Variants in CTIF observed in about 807,000 individuals in gnomAD.
CTIF encodes the protein CBP80/20-dependent translation initiation factor.
CTIF carries 21 observed loss-of-function variants against 66.0 expected under a neutral mutation model. The ratio of observed to expected loss-of-function variants is 0.32; its 90% confidence interval spans 0.23 to 0.46. CTIF has a LOEUF of 0.46. CTIF is among the 20% of genes least tolerant of loss of function. CTIF has a pLI of 1.00. For missense variants in CTIF, 739 were observed against 812.7 expected, an observed-to-expected ratio of 0.91 and a Z score of 1.10; for synonymous variants, 345 against 326.4, an observed-to-expected ratio of 1.06 and a Z score of -0.62.
rs746688468 is a variant in CTIF at position 48,761,413 on chromosome 18, C to A, written c.1095C>A (p.Thr365=). ...KEKDEVAVET[T]TPQQNKMDKL... ...AGGATGAAGTGGCCGTGGAGACGACCACTCCCCAGCAGAACAAGATGGACA... is the reference window on the plus strand; with the variant it reads ...AGGATGAAGTGGCCGTGGAGACGACAACTCCCCAGCAGAACAAGATGGACA... Residue 365 remains threonine, a synonymous_variant, in exon 9 of 12, where the codon ACC becomes ACA. Coordinates refer to ENST00000256413, the MANE Select transcript of CTIF (RefSeq NM_014772.3). The surrounding 1 kb of genome is among the most constrained non-coding windows in gnomAD (Gnocchi z 4.2). The A allele has an allele frequency of 6.2e-7, 1 of 1,613,686 alleles. No individual in the cohort carries two copies. The highest frequency in any genetic ancestry group is 8.5e-7 in the Non-Finnish European group (1 of 1,179,848).
intron 6 of CTIF, among the ~76,000 whole-genome samples, chr18:48,687,118 C>T (rs1051029606): frequency 4.0e-5 from 6 of 151,862 alleles, no homozygotes; most frequent in African/African-American, 1.2e-4. Context: ...AGAGGAGCAA[C>T]GGGAGCAGAT....
intron 10 of CTIF, among the ~76,000 whole-genome samples, chr18:48,835,144 C>T (rs2068781244): frequency 6.6e-6 from 1 of 152,230 alleles, no homozygotes; most frequent in South Asian, 2.1e-4. Context: ...AATGAGAAAA[C>T]AGCCCCTGCC....
At chr18:48,664,892 AGGCTGT>A (rs1269851947) in intron 5 of CTIF, among the ~76,000 whole-genome samples, 1 of 144,900 alleles carries the variant, frequency 6.9e-6, no homozygotes, top group Non-Finnish European at 1.5e-5. Context: ...GTGTGGACTG[AGGCTGT>A]GTGTTTCTTT....
At chr18:48,683,403 C>T (rs938238865) in intron 6 of CTIF, among the ~76,000 whole-genome samples, 2 of 149,756 alleles carry the variant, frequency 1.3e-5, no homozygotes, top group African/African-American at 4.9e-5. Context: ...AGTGGTCTCA[C>T]TTCGAGCAGG....
chr18:48,739,756 G>A (rs369496899), intron 7 of CTIF, among the ~76,000 whole-genome samples: 6 of 152,212 alleles, frequency 3.9e-5, no homozygotes, highest in African/African-American at 1.4e-4. Context: ...ATACGTTGTG[G>A]TTTCAAAGCT....
rs2089371869 is a variant in CTIF, at chr18:48,569,849, C to T, written c.-29+30537C>T. Among the ~76,000 whole-genome samples the T allele has an allele frequency of 1.3e-5, 2 of 152,186 alleles. 1 individual carries two copies. The highest frequency in any genetic ancestry group is 1.3e-4 in the Admixed American group (2 of 15,280). On this transcript the variant is annotated intron_variant, in intron 1 of 11. Transcript: ENST00000256413. ...GGCCCCCTGCCTGGGGCTGGCATAC[C>T]CCTCCTGCTGTCCTAGGACACAGCA...
chr18:48,691,643 C>T (rs1344873921), intron 6 of CTIF, among the ~76,000 whole-genome samples: 2 of 152,164 alleles, frequency 1.3e-5, no homozygotes, highest in African/African-American at 4.8e-5. Context: ...CTTCCTGTCT[C>T]CCCACTCCTT....
chr18:48,720,934 C>T (rs2092329305), intron 7 of CTIF, among the ~76,000 whole-genome samples: 5 of 152,202 alleles, frequency 3.3e-5, no homozygotes, highest in Admixed American at 3.3e-4. Context: ...CATCACACTT[C>T]ATGGGAATAC....
chr18:48,550,940 G>A (rs1328331587), intron 1 of CTIF, among the ~76,000 whole-genome samples: 1 of 152,050 alleles, frequency 6.6e-6, no homozygotes, highest in South Asian at 2.1e-4. Context: ...GAGAACTTAC[G>A]GATCTCTACA....
At chr18:48,564,239 G>A (rs572790749) in intron 1 of CTIF, among the ~76,000 whole-genome samples, 1 of 152,302 alleles carries the variant, frequency 6.6e-6, no homozygotes. Flanking sequence ...TTTTGTGGCC[G>A]TAGGTGGTAC....
chr18:48,816,501 C>T (rs2068366325), intron 9 of CTIF, among the ~76,000 whole-genome samples: 1 of 152,102 alleles, frequency 6.6e-6, no homozygotes, highest in Non-Finnish European at 1.5e-5. Flanking sequence ...ATTTCATGGC[C>T]CCATCCCCAA....
chr18:48,763,213 G>A (rs1322963441), intron 9 of CTIF, among the ~76,000 whole-genome samples: 2 of 152,346 alleles, frequency 1.3e-5, no homozygotes, highest in East Asian at 3.9e-4. Flanking sequence ...CCAGGATGGG[G>A]CAAGAGTTCT....
At chr18:48,732,865 G>A (rs943437667) in intron 7 of CTIF, among the ~76,000 whole-genome samples, 2 of 152,226 alleles carry the variant, frequency 1.3e-5, no homozygotes, top group Non-Finnish European at 2.9e-5. Flanking sequence ...TCACTGATGT[G>A]AGAGCTGTCT....
In CTIF at chr18:48,664,956, G is replaced by A. The variant is rs1312177380; in HGVS notation, c.431+405G>A. Among the ~76,000 whole-genome samples the A allele has an allele frequency of 1.5e-4, 22 of 146,912 alleles. 1 individual carries two copies. Among genetic ancestry groups the A allele is most frequent in the South Asian group, 4.4e-4 (2 of 4,540 alleles). On this transcript the variant is annotated intron_variant, in intron 5 of 11. Coordinates refer to ENST00000256413, the MANE Select transcript of CTIF (RefSeq NM_014772.3). ...GGAGTCTCGCTCTGTCGCCCAGGCC[G>A]GACTGCGGACTGCAGTGGCGCAATC... is the stretch of plus-strand genomic sequence containing the variant.
In CTIF at chr18:48,761,817, T is replaced by TA. The variant is rs1443825274; in HGVS notation, c.1371+130dup. 3.7e-4 allele frequency: 354 copies of TA among 944,632 alleles called. 1 individual carries two copies. Among genetic ancestry groups the TA allele is most frequent in the Middle Eastern group, 3.4e-4 (1 of 2,978 alleles). The allele number at this position is 944,632 out of a possible 1,614,324, so 58.5% of individuals were successfully genotyped here. ...TTCCCAAGTTCCGCCCTTGCCCGAT[T>TA]AATTATAGAAAACACAAAGGCAGTT... On this transcript the variant is annotated intron_variant, in intron 9 of 11. Transcript: ENST00000256413. The surrounding 1 kb of genome is among the most constrained non-coding windows in gnomAD (Gnocchi z 4.2).
At chr18:48,607,444 G>C (rs10438974) in intron 1 of CTIF, among the ~76,000 whole-genome samples, 18,472 of 152,232 alleles carry the variant, frequency 0.12, 1,795 homozygotes, top group African/African-American at 0.28. Context: ...CCACCCATCT[G>C]TGCCCATCAG....
At chr18:48,562,876 C>A (rs1004348699) in intron 1 of CTIF, among the ~76,000 whole-genome samples, 1 of 152,192 alleles carries the variant, frequency 6.6e-6, no homozygotes, top group East Asian at 1.9e-4. Context: ...TCTATTGGAA[C>A]CAGTTCCCTG....
chr18:48,553,718 T>C (rs1049970720), intron 1 of CTIF, among the ~76,000 whole-genome samples: 5 of 151,544 alleles, frequency 3.3e-5, no homozygotes, highest in Non-Finnish European at 7.4e-5. Flanking sequence ...TGCAGTGGCG[T>C]GATCTCAGCT....
rs553770566 is a variant in CTIF at position 48,824,485 on chromosome 18, C to T, written c.1527+7109C>T. On this transcript the variant is annotated intron_variant, in intron 10 of 11. Coordinates refer to ENST00000256413, the MANE Select transcript of CTIF (RefSeq NM_014772.3). ...ACCCTACAATGCTCTCCACCTCCTC[C>T]GCCTCTCCGTGCCTCTGTGATCCCG... 7.2e-5 allele frequency among the ~76,000 whole-genome samples: 11 copies of T among 152,282 alleles called. No homozygotes were observed. In the South Asian group the frequency reaches 2.1e-3, roughly 29 times the overall value.
Sources: gnomAD v4.1 joint callset for allele counts (sites outside exome capture counted in the v4.1 genomes callset) on GRCh38, gnomAD v4.1.1 for gene constraint, Gnocchi (gnomAD v3.1) non-coding constraint, MANE v1.5 for transcripts, NCBI Gene and HGNC (gene_info 2026-07-23, HGNC 2026-07-21) for gene names.